Variants in PCLO observed in about 807,000 individuals in gnomAD.
The protein encoded by PCLO is piccolo presynaptic cytomatrix protein.
PCLO carries 82 observed loss-of-function variants against 427.5 expected under a neutral mutation model. That is an observed-to-expected ratio of 0.19 (90% CI 0.16 to 0.23). The LOEUF is 0.23. Among genes scored for constraint, PCLO ranks in the 10% least tolerant of loss-of-function variants. The pLI, the probability that PCLO is intolerant of heterozygous loss-of-function variation, is 1.00. For synonymous variants in PCLO, 2,357 were observed against 2,155.4 expected (o/e 1.09, Z -2.59); for missense variants, 6,239 against 6,115.9 (o/e 1.02, Z -0.67).
intron 12 of PCLO, among the ~76,000 whole-genome samples, chr7:82,846,298 T>C (rs1792500474): frequency 6.6e-6 from 1 of 152,158 alleles, no homozygotes; most frequent in African/African-American, 2.4e-5. Flanking sequence ...GAATTAAAAC[T>C]GTGAACTCAT....
chr7:83,051,707 A>T (rs960179521), intron 3 of PCLO, among the ~76,000 whole-genome samples: 1 of 152,162 alleles, frequency 6.6e-6, no homozygotes, highest in Non-Finnish European at 1.5e-5. Context: ...AACTAATTCT[A>T]AAGTTTGTAT....
chr7:83,010,543 T>C (rs1404048274), intron 3 of PCLO, among the ~76,000 whole-genome samples: 2 of 150,954 alleles, frequency 1.3e-5, no homozygotes, highest in African/African-American at 2.4e-5. Context: ...TTATTTTATA[T>C]CATATACAAA....
chr7:83,155,517 T>TGAGCTGGAGTCTTAGCAGGACCAAGAG lies in PCLO; in HGVS notation c.1123_1124insCTCTTGGTCCTGCTAAGACTCCAGCTC (p.Gln374_Gln375insProLeuGlyProAlaLysThrProAla). On this transcript the variant is annotated inframe_insertion, in exon 2 of 25. Coordinates refer to ENST00000333891, the MANE Select transcript of PCLO (RefSeq NM_033026.6). ...CGATGAAGGCTTCTCTGACCCAGTCTGCTGAGCTGGAGGCTTAGCAGGACC... is the reference window on the plus strand; with the variant it reads ...CGATGAAGGCTTCTCTGACCCAGTCTGAGCTGGAGTCTTAGCAGGACCAAGAGGCTGAGCTGGAGGCTTAGCAGGACC... The TGAGCTGGAGTCTTAGCAGGACCAAGAG allele has an allele frequency of 6.2e-7, 1 of 1,609,456 alleles. No homozygotes were observed. The highest frequency in any genetic ancestry group is 1.7e-5 in the Admixed American group (1 of 59,634).
intron 3 of PCLO, among the ~76,000 whole-genome samples, chr7:83,103,461 A>G (rs1466856107): frequency 6.6e-6 from 1 of 151,952 alleles, no homozygotes; most frequent in Non-Finnish European, 1.5e-5. Flanking sequence ...GCAAGCAGCC[A>G]ACCTCATTCT....
At chr7:82,760,439 G>A (rs1583943700) in intron 24 of PCLO, among the ~76,000 whole-genome samples, 200 bp downstream of exon 24, 1 of 151,954 alleles carries the variant, frequency 6.6e-6, no homozygotes, top group Non-Finnish European at 1.5e-5. Flanking sequence ...AGACAGGGTA[G>A]AGAAGGCTTG....
chr7:82,824,759 C>T lies in PCLO; in HGVS notation c.14416-343G>A, dbSNP rs1469520955. ...TGTAAGAACTTATTTTAATCTTACA[C>T]GGTGAAATCCCGTCTCTGCTAAAAA... On this transcript the variant is annotated intron_variant, in intron 18 of 24. Transcript: ENST00000333891. 6.0e-5 allele frequency among the ~76,000 whole-genome samples: 9 copies of T among 151,260 alleles called. No homozygotes were observed. The South Asian group carries it at 8.4e-4, about 14-fold the overall frequency.
intron 10 of PCLO, among the ~76,000 whole-genome samples, chr7:82,855,354 T>G (rs551453037): frequency 6.6e-6 from 1 of 152,090 alleles, no homozygotes; most frequent in South Asian, 2.1e-4. Context: ...TACAGAAATA[T>G]GAACCCCAAC....
chr7:82,997,363 C>A (rs1466132500), intron 3 of PCLO, among the ~76,000 whole-genome samples: 1 of 151,932 alleles, frequency 6.6e-6, no homozygotes, highest in South Asian at 2.1e-4. Context: ...TATTATTTTA[C>A]TCCTAGTACA....
chr7:83,070,512 C>T (rs748669096), intron 3 of PCLO, among the ~76,000 whole-genome samples: 1 of 151,882 alleles, frequency 6.6e-6, no homozygotes, highest in East Asian at 1.9e-4. Context: ...CTCAGCCTCC[C>T]GAGTAGCTGC....
chr7:82,790,605 C>A (rs1324006585), intron 22 of PCLO, among the ~76,000 whole-genome samples: 1 of 152,182 alleles, frequency 6.6e-6, no homozygotes. Context: ...ACATTCACAT[C>A]TGTCAGAACT....
Position 82,824,817 on chromosome 7 carries a change from C to T in PCLO, c.14416-401G>A, listed in dbSNP as rs563222571. ...AAAAAAAATTAGCTGGGCGTGGTGG[C>T]GGGCACCTGTAGTCCCAGCTGTGTG... On this transcript the variant is annotated intron_variant, in intron 18 of 24. Transcript: ENST00000333891. Among the ~76,000 whole-genome samples the T allele has an allele frequency of 1.1e-4, 16 of 151,500 alleles. No individual in the cohort carries two copies. The East Asian group carries it at 1.4e-3, about 13-fold the overall frequency.
intron 22 of PCLO, among the ~76,000 whole-genome samples, chr7:82,785,404 A>AC (rs1790964693): frequency 6.6e-6 from 1 of 152,130 alleles, no homozygotes; most frequent in East Asian, 1.9e-4. Flanking sequence ...CTGGTTTCTA[A>AC]CAGGCCACAG....
At chr7:82,786,322 T>C (rs973011252) in intron 22 of PCLO, among the ~76,000 whole-genome samples, 1 of 136,098 alleles carries the variant, frequency 7.3e-6, no homozygotes, top group East Asian at 1.9e-4. Flanking sequence ...TTTTCTTCTA[T>C]CCTCTAGCAA....
Position 82,952,996 on chromosome 7 carries a change from C to G in PCLO, c.7957G>C (p.Val2653Leu). Residue 2653 changes from valine (V) to leucine (L), a missense_variant, in exon 5 of 25, where the codon GTC (valine) becomes CTC (leucine). Around this residue, in one of 5 missense-constraint regions of PCLO, gnomAD observed 4,677 missense variants for 4,468.4 expected, o/e 1.05. Coordinates refer to ENST00000333891, the MANE Select transcript of PCLO (RefSeq NM_033026.6). ...GALQTFSATP[V>L]TAPSSFQAAP... ...GCTTGAAATGAAGAGGGTGCTGTGACAGGGGTAGCAGAAAATGTCTGTAAA... is the reference window on the plus strand; with the variant it reads ...GCTTGAAATGAAGAGGGTGCTGTGAGAGGGGTAGCAGAAAATGTCTGTAAA... 1 of 1,613,818 alleles carries G rather than the reference C, an allele frequency of 6.2e-7. No homozygotes were observed. Among genetic ancestry groups the G allele is most frequent in the South Asian group, 1.1e-5 (1 of 91,082 alleles).
At chr7:82,840,490 T>C (rs1792340665) in intron 14 of PCLO, among the ~76,000 whole-genome samples, 1 of 152,116 alleles carries the variant, frequency 6.6e-6, no homozygotes, top group Non-Finnish European at 1.5e-5. Context: ...ATAGAGATCA[T>C]GGTATATTAT....
intron 21 of PCLO, among the ~76,000 whole-genome samples, 189 bp downstream of exon 21, chr7:82,805,499 C>T (rs372475438): frequency 6.6e-6 from 1 of 152,112 alleles, no homozygotes; most frequent in Non-Finnish European, 1.5e-5. Context: ...TAACATTTAT[C>T]CTTAGAATTA....
At chr7:82,931,526 C>T (rs55690733) in intron 6 of PCLO, among the ~76,000 whole-genome samples, 23,296 of 152,028 alleles carry the variant, frequency 0.15, 3,005 homozygotes, top group African/African-American at 0.35. Flanking sequence ...ATCTGAGGTC[C>T]TGACTAAGGA....
At chr7:83,082,012 A>G (rs920441543) in intron 3 of PCLO, among the ~76,000 whole-genome samples, 2 of 151,648 alleles carry the variant, frequency 1.3e-5, no homozygotes, top group African/African-American at 4.8e-5. Context: ...TTCTGTTTAT[A>G]TATGAAAAAG....
At chr7:82,787,811 CA>C (rs1448069906) in intron 22 of PCLO, among the ~76,000 whole-genome samples, 1 of 152,088 alleles carries the variant, frequency 6.6e-6, no homozygotes, top group Non-Finnish European at 1.5e-5. Context: ...GTCTCAACAT[CA>C]AACTAAATTG....
Sources: gnomAD v4.1 joint callset for allele counts (sites outside exome capture counted in the v4.1 genomes callset) on GRCh38, gnomAD v4.1.1 for gene constraint, gnomAD v4.1.1 regional missense constraint, MANE v1.5 for transcripts, NCBI Gene and HGNC (gene_info 2026-07-23, HGNC 2026-07-21) for gene names.